LRRC7: variants seen among roughly 807,000 people sequenced by gnomAD.
LRRC7 encodes leucine rich repeat containing 7, also known as leucine-rich repeat-containing protein 7.
A neutral mutation model predicts 175.7 loss-of-function variants in LRRC7; 23 were observed. The ratio of observed to expected loss-of-function variants is 0.13; its 90% CI spans 0.09 to 0.19. The LOEUF (loss-of-function observed/expected upper bound fraction) is 0.19. LRRC7 is among the 10% of genes least tolerant of loss of function. The probability of loss-of-function intolerance (pLI) is 1.00; values close to 1 mark genes in which losing one functional copy is unlikely to be tolerated. For missense variants in LRRC7, 1,354 were observed against 1,904.7 expected (o/e 0.71, Z 5.38); for synonymous variants, 685 against 680.9 (o/e 1.01, Z -0.09).
intron 1 of LRRC7, among the ~76,000 whole-genome samples, chr1:69,632,267 T>C (rs547612003): frequency 1.1e-4 from 16 of 152,222 alleles, no homozygotes; most frequent in African/African-American, 3.6e-4. Context: ...ATACTTCACA[T>C]TGTAGCTTCC....
At chr1:69,838,825 T>G (rs1224994171) in intron 7 of LRRC7, among the ~76,000 whole-genome samples, 1 of 151,960 alleles carries the variant, frequency 6.6e-6, no homozygotes. Flanking sequence ...AGGATATATT[T>G]TAAAGTAAAA....
intron 18 of LRRC7, among the ~76,000 whole-genome samples, chr1:70,030,795 AG>A (rs370325505): frequency 1.8e-4 from 27 of 152,350 alleles, no homozygotes; most frequent in African/African-American, 6.5e-4. Context: ...AATGCAACTA[AG>A]GGGAAAAAGG....
chr1:70,079,767 T>G (rs74758521), intron 24 of LRRC7, among the ~76,000 whole-genome samples: 11,983 of 152,234 alleles, frequency 0.079, 574 homozygotes, highest in South Asian at 0.18. Flanking sequence ...GGGCCCCACA[T>G]TTGGATTAAT....
chr1:69,644,197 T>A (rs1654655409), intron 1 of LRRC7, among the ~76,000 whole-genome samples: 1 of 152,054 alleles, frequency 6.6e-6, no homozygotes, highest in African/African-American at 2.4e-5. Flanking sequence ...GATATTCATA[T>A]CTTCTGTACT....
intron 1 of LRRC7, among the ~76,000 whole-genome samples, chr1:69,581,097 T>C (rs1407859447): frequency 1.3e-5 from 2 of 152,128 alleles, no homozygotes; most frequent in Non-Finnish European, 2.9e-5. Context: ...GAGGCAGACA[T>C]GAGCCAGACA....
intron 1 of LRRC7, among the ~76,000 whole-genome samples, chr1:69,572,248 A>C (rs1182342012): frequency 6.6e-6 from 1 of 152,176 alleles, no homozygotes; most frequent in Non-Finnish European, 1.5e-5. Context: ...AGTCTTCAAT[A>C]GAGAGTTTTC....
intron 4 of LRRC7, among the ~76,000 whole-genome samples, chr1:69,815,948 CTTTATTTATTTATTTATTTATTTA>C (rs61408208): frequency 2.0e-5 from 3 of 147,526 alleles, no homozygotes; most frequent in East Asian, 2.0e-4. Flanking sequence ...TCTCTAGAAC[CTTTATTTATTTATTTATTTATTTA>C]TTTATTTATT....
At chr1:69,778,743 G>A (rs1486474544) in intron 3 of LRRC7, among the ~76,000 whole-genome samples, 1 of 152,080 alleles carries the variant, frequency 6.6e-6, no homozygotes, top group Non-Finnish European at 1.5e-5. Context: ...CACTACCAGT[G>A]GAGAAAATCT....
Position 70,107,733 on chromosome 1 carries a change from T to G in LRRC7, c.4546-19T>G. On this transcript the variant is annotated intron_variant, in intron 25 of 26. Transcript: ENST00000651989. ...TTCTTGGTAATAGAATCCTAACCTC[T>G]GTTACTTCTGACTTATAGGGTATCT... 1 of 1,603,800 alleles carries G rather than the reference T, an allele frequency of 6.2e-7. No homozygotes were observed. Among genetic ancestry groups the G allele is most frequent in the Non-Finnish European group, 8.5e-7 (1 of 1,170,918 alleles).
At chr1:69,832,824 G>A (rs1680676375) in intron 5 of LRRC7, among the ~76,000 whole-genome samples, 1 of 152,118 alleles carries the variant, frequency 6.6e-6, no homozygotes, top group Non-Finnish European at 1.5e-5. Flanking sequence ...ACAACTGTAG[G>A]TCAGGCACGG....
intron 1 of LRRC7, among the ~76,000 whole-genome samples, chr1:69,589,169 TGA>T (rs1447422134): frequency 1.3e-5 from 2 of 151,086 alleles, no homozygotes; most frequent in African/African-American, 2.4e-5. Flanking sequence ...TGTGTGTGTG[TGA>T]GAGAGAGAGA....
chr1:70,074,323 T>C (rs532847341), intron 23 of LRRC7, among the ~76,000 whole-genome samples: 2 of 152,168 alleles, frequency 1.3e-5, no homozygotes, highest in Admixed American at 6.5e-5. Context: ...AGAAAAGATA[T>C]TCCATGGCAG....
At chr1:69,934,964 A>G (rs1001984838) in intron 8 of LRRC7, among the ~76,000 whole-genome samples, 2 of 152,218 alleles carry the variant, frequency 1.3e-5, no homozygotes, top group African/African-American at 4.8e-5. Flanking sequence ...CCTTCATCAG[A>G]AGAGTCAGTT....
chr1:69,767,333 CAT>C (rs1671736549), intron 3 of LRRC7, among the ~76,000 whole-genome samples: 1 of 152,104 alleles, frequency 6.6e-6, no homozygotes, highest in African/African-American at 2.4e-5. Flanking sequence ...TTATATTACA[CAT>C]ATGTGTAACT....
intron 1 of LRRC7, among the ~76,000 whole-genome samples, chr1:69,668,563 G>T (rs1658609139): frequency 6.6e-6 from 1 of 152,154 alleles, no homozygotes; most frequent in African/African-American, 2.4e-5. Context: ...CATTTGGGTT[G>T]GTTCCAAGTC....
intron 7 of LRRC7, among the ~76,000 whole-genome samples, chr1:69,915,170 A>G (rs147186963): frequency 6.8e-4 from 104 of 152,276 alleles, no homozygotes; most frequent in African/African-American, 2.4e-3. Context: ...GCAAAACCAC[A>G]TCATCTTTAA....
rs150966254 is a variant in LRRC7, at chr1:69,897,288, T to A, written c.648-34219T>A. Among the ~76,000 whole-genome samples, 730 of 152,320 alleles carry A rather than the reference T, an allele frequency of 4.8e-3. 10 individuals carry two copies. The highest frequency in any genetic ancestry group is 0.016 in the African/African-American group (675 of 41,578). On this transcript the variant is annotated intron_variant, in intron 7 of 26. Transcript: ENST00000651989. ...TTATGTGTATATATGCTATATCATATCATTATGTTTCCTCACTTCCTTTAG... is the reference window on the plus strand; with the variant it reads ...TTATGTGTATATATGCTATATCATAACATTATGTTTCCTCACTTCCTTTAG...
In LRRC7 at chr1:69,568,460, G is replaced by T. The variant is rs1443850297; in HGVS notation, c.-180G>T. 6 of 378,398 alleles carry T rather than the reference G, an allele frequency of 1.6e-5. No individual in the cohort carries two copies. The highest frequency in any genetic ancestry group is 2.4e-5 in the Non-Finnish European group (5 of 206,314). 23.4% of individuals were successfully genotyped at this position (378,398 alleles called of 1,614,324 possible). On this transcript the variant is annotated 5_prime_UTR_variant, in exon 1 of 27. Coordinates refer to ENST00000651989, the MANE Select transcript of LRRC7 (RefSeq NM_001370785.2). ...GGCACTGGCATCATGGTCTAACGTGGCACCTTCCTGGATTCCCCTCTATCT... is the reference window on the plus strand; with the variant it reads ...GGCACTGGCATCATGGTCTAACGTGTCACCTTCCTGGATTCCCCTCTATCT...
intron 22 of LRRC7, among the ~76,000 whole-genome samples, chr1:70,050,486 T>G (rs560854212): frequency 1.4e-4 from 21 of 152,222 alleles, no homozygotes; most frequent in African/African-American, 5.1e-4. Flanking sequence ...GTGATGATTT[T>G]CTGTGTTATT....
Sources: gnomAD v4.1 joint callset for allele counts (sites outside exome capture counted in the v4.1 genomes callset) on GRCh38, gnomAD v4.1.1 for gene constraint, MANE v1.5 for transcripts, NCBI Gene and HGNC (gene_info 2026-07-23, HGNC 2026-07-21) for gene names.